Variants in ACSM3 observed in about 807,000 individuals in gnomAD.
The protein encoded by ACSM3 is acyl-coenzyme A synthetase ACSM3, mitochondrial.
In ACSM3, 61 loss-of-function variants were observed where a neutral mutation model predicts 74.1. The ratio of observed to expected loss-of-function variants is 0.82; its 90% CI spans 0.67 to 1.02. The LOEUF (loss-of-function observed/expected upper bound fraction) is 1.02, where lower values mean the gene tolerates loss of function less well. Among genes scored for constraint, ACSM3 ranks in the 50% least tolerant of loss-of-function variants. The pLI, the probability that ACSM3 is intolerant of heterozygous loss-of-function variation, is 0.00. For missense variants in ACSM3, 660 were observed against 697.0 expected (o/e 0.95, Z 0.60); for synonymous variants, 213 against 241.5 (o/e 0.88, Z 1.09).
At chr16:20,719,691 C>T (rs11645111) in intron 1 of ACSM3, among the ~76,000 whole-genome samples, 19,605 of 152,158 alleles carry the variant, frequency 0.13, 1,338 homozygotes, top group East Asian at 0.21. Flanking sequence ...GATTAGAAGT[C>T]TCAAATCTAA....
chr16:20,691,986 G>C (rs759980320), intron 1 of ACSM3, among the ~76,000 whole-genome samples: 3 of 152,062 alleles, frequency 2.0e-5, no homozygotes, highest in Non-Finnish European at 4.4e-5. Context: ...TCAAGTCCCT[G>C]GTTCAAATTG....
intron 1 of ACSM3, among the ~76,000 whole-genome samples, chr16:20,709,279 G>C (rs1259508714): frequency 6.6e-6 from 1 of 152,112 alleles, no homozygotes; most frequent in Non-Finnish European, 1.5e-5. Context: ...AAATGATATT[G>C]CTTAACATAA....
intron 2 of ACSM3, among the ~76,000 whole-genome samples, chr16:20,755,037 T>C (rs1004415951): frequency 2.0e-5 from 3 of 152,086 alleles, no homozygotes; most frequent in African/African-American, 4.8e-5. Context: ...ATAGAGACCA[T>C]GTCGGGAGCT....
chr16:20,750,759 G>A (rs1407860925), intron 2 of ACSM3, among the ~76,000 whole-genome samples: 2 of 151,134 alleles, frequency 1.3e-5, no homozygotes, highest in African/African-American at 4.8e-5. Flanking sequence ...ATTGTCCATA[G>A]AGATTATAAA....
At chr16:20,783,046 T>C (rs1163810506) in intron 7 of ACSM3, among the ~76,000 whole-genome samples, 1 of 152,168 alleles carries the variant, frequency 6.6e-6, no homozygotes. Flanking sequence ...TCCTCTCCTT[T>C]CCCTGAAGGA....
At chr16:20,718,346 G>A in intron 1 of ACSM3, 2 of 903,492 alleles carry the variant, frequency 2.2e-6, no homozygotes, top group Non-Finnish European at 3.0e-6. Context: ...TCCATATTTT[G>A]CAGATCCGCC....
chr16:20,741,392 C>G, intron 1 of ACSM3: 1 of 1,296,164 alleles, frequency 7.7e-7, no homozygotes, highest in Admixed American at 2.9e-5. Context: ...CACGCCCCTA[C>G]AGCCGTCACG....
At chr16:20,680,426 T>G (rs77734337) in intron 1 of ACSM3, 1 of 152,252 alleles carries the variant, frequency 6.6e-6, no homozygotes, top group Non-Finnish European at 1.5e-5. Context: ...GCTGAAAACA[T>G]AGCTGGCAGC....
intron 8 of ACSM3, among the ~76,000 whole-genome samples, chr16:20,785,330 G>C (rs1038958090): frequency 1.3e-5 from 2 of 152,184 alleles, no homozygotes; most frequent in African/African-American, 2.4e-5. Flanking sequence ...TAATGGATCA[G>C]AGTAAGGGCA....
At chr16:20,732,692 G>A (rs1205542877) in intron 1 of ACSM3, among the ~76,000 whole-genome samples, 2 of 152,122 alleles carry the variant, frequency 1.3e-5, no homozygotes, top group African/African-American at 4.8e-5. Context: ...AAGCATTTAA[G>A]TGAATTTGCA....
chr16:20,791,429 T>C (rs1321096405), intron 10 of ACSM3, among the ~76,000 whole-genome samples: 1 of 152,244 alleles, frequency 6.6e-6, no homozygotes, highest in East Asian at 1.9e-4. Flanking sequence ...TTTACTCCTC[T>C]GAGCTACTGC....
At chr16:20,728,266 G>A (rs543385750) in intron 1 of ACSM3, 10 of 446,866 alleles carry the variant, frequency 2.2e-5, no homozygotes, top group East Asian at 8.9e-5. Flanking sequence ...ATATCTGACC[G>A]GTTCAATAAA....
chr16:20,679,972 A>G (rs536514078), intron 1 of ACSM3: 6 of 152,326 alleles, frequency 3.9e-5, no homozygotes, highest in African/African-American at 1.4e-4. Flanking sequence ...CCTAAAAAAA[A>G]ACAGAAGCAG....
intron 1 of ACSM3, among the ~76,000 whole-genome samples, chr16:20,694,828 C>T (rs555520802): frequency 6.6e-6 from 1 of 151,940 alleles, no homozygotes; most frequent in African/African-American, 2.4e-5. Context: ...TAGGGTGGGC[C>T]CTAATCCAAT....
At chr16:20,772,907 C>A (rs2080210651) in intron 2 of ACSM3, among the ~76,000 whole-genome samples, 1 of 149,002 alleles carries the variant, frequency 6.7e-6, no homozygotes, top group African/African-American at 2.5e-5. Context: ...GTGGAGGTTG[C>A]AGTGAACTGA....
intron 7 of ACSM3, chr16:20,783,119 C>G (rs1283911816): frequency 1.3e-5 from 2 of 152,186 alleles, no homozygotes; most frequent in Non-Finnish European, 2.9e-5. Context: ...TGACCAACCC[C>G]TATACGGGAG....
chr16:20,700,863 A>G (rs1174914563), intron 1 of ACSM3, among the ~76,000 whole-genome samples: 3 of 152,106 alleles, frequency 2.0e-5, no homozygotes, highest in Non-Finnish European at 2.9e-5. Flanking sequence ...AGTTCTGTGG[A>G]GAAGATATTT....
chr16:20,794,759 C>G (rs1202094044), intron 12 of ACSM3, among the ~76,000 whole-genome samples: 3 of 152,168 alleles, frequency 2.0e-5, no homozygotes, highest in Admixed American at 2.0e-4. Flanking sequence ...ATCTCTTTTA[C>G]AGAGAAGGAA....
intron 1 of ACSM3, chr16:20,743,955 C>A (rs1268344918): frequency 6.6e-6 from 1 of 152,152 alleles, no homozygotes; most frequent in Non-Finnish European, 1.5e-5. Flanking sequence ...ACTTGAAAAA[C>A]AAAAACTCAG....
Sources: gnomAD v4.1 joint callset for allele counts (sites outside exome capture counted in the v4.1 genomes callset) on GRCh38, gnomAD v4.1.1 for gene constraint, MANE v1.5 for transcripts, NCBI Gene and HGNC (gene_info 2026-07-23, HGNC 2026-07-21) for gene names.